The following EXTL3 variants were observed in gnomAD, a reference collection of about 807,000 sequenced individuals.
The protein encoded by EXTL3 is exostosin-like 3.
A neutral mutation model predicts 69.3 loss-of-function variants in EXTL3; 27 were observed. That is an observed-to-expected ratio of 0.39 (90% CI 0.29 to 0.54). The LOEUF is 0.54. EXTL3 is among the 20% of genes least tolerant of loss of function. The pLI, the probability that EXTL3 is intolerant of heterozygous loss-of-function variation, is 0.69. For synonymous variants in EXTL3, 511 were observed against 499.4 expected (o/e 1.02, Z -0.31); for missense variants, 1,003 against 1,231.8 (o/e 0.81, Z 2.78).
intron 1 of EXTL3, among the ~76,000 whole-genome samples, chr8:28,702,934 G>T (rs950123478): frequency 3.9e-5 from 6 of 152,202 alleles, no homozygotes; most frequent in African/African-American, 1.2e-4. Context: ...TGACCTGTGT[G>T]CTGGGATAGT....
At chr8:28,687,907 T>C (rs1260251126) in intron 1 of EXTL3, among the ~76,000 whole-genome samples, 2 of 152,188 alleles carry the variant, frequency 1.3e-5, no homozygotes, top group Admixed American at 6.5e-5. Context: ...AGGAAGTTGC[T>C]GGTTCTTTTT....
At chr8:28,714,293 A>G (rs1801095768) in intron 2 of EXTL3, among the ~76,000 whole-genome samples, 1 of 152,206 alleles carries the variant, frequency 6.6e-6, no homozygotes. Context: ...ATAAAATGTT[A>G]CTTGAAAAAA....
chr8:28,672,943 T>C (rs949366300), intron 1 of EXTL3, among the ~76,000 whole-genome samples: 4 of 152,178 alleles, frequency 2.6e-5, no homozygotes, highest in Admixed American at 1.3e-4. Flanking sequence ...AGAGATCTGA[T>C]GGTTTTATAA....
chr8:28,670,208 CAAA>C (rs369464596), intron 1 of EXTL3, among the ~76,000 whole-genome samples: 8 of 80,414 alleles, frequency 9.9e-5, no homozygotes, highest in Non-Finnish European at 1.8e-4. Context: ...GACTCTGTCT[CAAA>C]AAAAAAAAGG....
At chr8:28,673,501 A>G (rs574836513) in intron 1 of EXTL3, among the ~76,000 whole-genome samples, 6 of 152,062 alleles carry the variant, frequency 3.9e-5, no homozygotes, top group Non-Finnish European at 5.9e-5. Flanking sequence ...CCAGACTGGG[A>G]TTTACACACC....
At chr8:28,728,349 C>G (rs1222094235) in intron 3 of EXTL3, among the ~76,000 whole-genome samples, 2 of 152,228 alleles carry the variant, frequency 1.3e-5, no homozygotes, top group Non-Finnish European at 2.9e-5. Flanking sequence ...CCTTGCTGCT[C>G]TCTCGTCTGA....
Position 28,676,169 on chromosome 8 carries a change from A to T in EXTL3, c.-52-37288A>T, listed in dbSNP as rs151276377. The stretch of plus-strand genomic sequence containing the variant: ...TTAATGTGGAGGAAGGGATTCAAAG[A>T]CTTAAGGGACTGGCAGTTACAGTGC... On this transcript the variant is annotated intron_variant, in intron 1 of 6. Transcript: ENST00000523149. Among the ~76,000 whole-genome samples the T allele has an allele frequency of 1.1e-4, 16 of 152,204 alleles. No individual in the cohort carries two copies. The East Asian group carries it at 3.1e-3, about 29-fold the overall frequency.
rs1419982875 is a variant in EXTL3 at position 28,754,519 on chromosome 8, T to C, written c.*3653T>C. 3 of 152,324 alleles carry C rather than the reference T, an allele frequency of 2.0e-5. No individual in the cohort carries two copies. Among genetic ancestry groups the C allele is most frequent in the African/African-American group, 7.2e-5 (3 of 41,450 alleles). The allele number at this position is 152,324 out of a possible 1,614,324, so 9.4% of individuals were successfully genotyped here. A position where few individuals can be genotyped will look rare whatever the true frequency, so the allele number is the denominator to read the frequency against. On this transcript the variant is annotated 3_prime_UTR_variant, in exon 7 of 7. Coordinates refer to ENST00000220562, the MANE Select transcript of EXTL3 (RefSeq NM_001440.4). ...GGCATTCCTCTTTGGGTCTGGAGTT[T>C]TGGCTGTCAAGCTCCTGTTCTTCCA...
Position 28,651,813 on chromosome 8 carries a change from AC to A in EXTL3, c.-53+29005del, listed in dbSNP as rs534891914. On this transcript the variant is annotated intron_variant, in intron 1 of 6. Coordinates refer to the EXTL3 transcript ENST00000523149. ...CTCTGACAAAACTCTCTTCCCATTA[AC>A]CAAGGTTAATAACTCCCAATTCCTT... Among the ~76,000 whole-genome samples the A allele has an allele frequency of 5.3e-5, 8 of 152,304 alleles. No homozygotes were observed. In the East Asian group the frequency reaches 1.3e-3, roughly 26 times the overall value.
intron 1 of EXTL3, among the ~76,000 whole-genome samples, chr8:28,682,500 T>C (rs1807505910): frequency 1.3e-5 from 2 of 152,162 alleles, no homozygotes; most frequent in South Asian, 4.1e-4. Context: ...TGGAGTGCAA[T>C]TGTGCGATCT....
intron 6 of EXTL3, among the ~76,000 whole-genome samples, chr8:28,748,098 C>T (rs551825694): frequency 2.0e-4 from 30 of 152,208 alleles, no homozygotes; most frequent in Non-Finnish European, 1.6e-4. Context: ...GTAGGCTGGG[C>T]GCTGTGGCTC....
chr8:28,695,293 T>C (rs1800669696), intron 1 of EXTL3, among the ~76,000 whole-genome samples: 1 of 152,034 alleles, frequency 6.6e-6, no homozygotes, highest in Non-Finnish European at 1.5e-5. Context: ...CATGCCCGGC[T>C]AATTTTTGTA....
chr8:28,749,629 T>TC (rs1801962878), intron 6 of EXTL3, among the ~76,000 whole-genome samples: 1 of 75,470 alleles, frequency 1.3e-5, no homozygotes, highest in South Asian at 4.0e-4. Flanking sequence ...AGGATTTCAT[T>TC]CATTCATTCA....
Position 28,737,655 on chromosome 8 carries a change from T to C in EXTL3, c.2413T>C (p.Phe805Leu). ...CATGGTGCTGACAGGTGCTGCCTTCTTTCACAAGGTAAGAAAAAGCTGGTA... is the reference window on the plus strand; with the variant it reads ...CATGGTGCTGACAGGTGCTGCCTTCCTTCACAAGGTAAGAAAAAGCTGGTA... The part of the protein sequence containing the change: ...LSMVLTGAAF[F>L]HKYYAYLYSY... Residue 805 changes from phenylalanine (F) to leucine (L), a missense_variant, in exon 5 of 7, where the codon TTT becomes CTT. By Grantham distance (22) the Phe-to-Leu change is conservative. This residue lies in a region of EXTL3 where 261 missense variants were observed against 416.4 expected (regional missense o/e 0.63). Transcript: ENST00000220562. 1 of 1,614,164 alleles carries C rather than the reference T, an allele frequency of 6.2e-7. No homozygotes were observed. Among genetic ancestry groups the C allele is most frequent in the Admixed American group, 1.7e-5 (1 of 60,022 alleles).
intron 1 of EXTL3, among the ~76,000 whole-genome samples, chr8:28,676,400 A>C (rs1406639948): frequency 6.6e-6 from 1 of 152,188 alleles, no homozygotes; most frequent in Non-Finnish European, 1.5e-5. Context: ...GCTGGATCCC[A>C]GGGTGGCAGG....
rs1801728553 is a variant in EXTL3 at position 28,739,401 on chromosome 8, A to AT, written c.2421+1742dup. Among the ~76,000 whole-genome samples, 3 of 152,004 alleles carry AT rather than the reference A, an allele frequency of 2.0e-5. No homozygotes were observed. In the South Asian group the frequency reaches 6.2e-4, roughly 32 times the overall value. Reference sequence around the variant, plus strand: ...GAGTGTAATGGTGGGGTCTCAGCTCATTTTAGCCTCCACCTCTTGGGCCCA... The same window carrying AT: ...GAGTGTAATGGTGGGGTCTCAGCTCATTTTTAGCCTCCACCTCTTGGGCCCA... On this transcript the variant is annotated intron_variant, in intron 5 of 6. Coordinates refer to ENST00000220562, the MANE Select transcript of EXTL3 (RefSeq NM_001440.4).
At chr8:28,628,615 T>C (rs1806529462) in intron 1 of EXTL3, among the ~76,000 whole-genome samples, 2 of 152,208 alleles carry the variant, frequency 1.3e-5, no homozygotes, top group South Asian at 4.1e-4. Flanking sequence ...TGTCACGTTA[T>C]GATCAGATTC....
chr8:28,645,708 T>C (rs1806817965), intron 1 of EXTL3, among the ~76,000 whole-genome samples: 1 of 152,328 alleles, frequency 6.6e-6, no homozygotes, highest in South Asian at 2.1e-4. Context: ...TTTTTCTTTT[T>C]TTAAGAGATG....
rs535027925 is a variant in EXTL3, at chr8:28,623,883, T to G, written c.-53+1073T>G. Among the ~76,000 whole-genome samples the G allele has an allele frequency of 2.1e-4, 32 of 152,344 alleles. No homozygotes were observed. The highest frequency in any genetic ancestry group is 3.4e-3 in the Middle Eastern group (1 of 294). On this transcript the variant is annotated intron_variant, in intron 1 of 6. Transcript: ENST00000523149. This position sits in a 1 kb window ranked among gnomAD's most constrained non-coding sequence, Gnocchi z 4.2. ...CAGCAGATGGGAAATCAGGCAAGCT[T>G]GGTTTTAAAACGTTTCTGCCTCTGA...
Sources: allele counts gnomAD v4.1 joint callset (sites outside exome capture counted in the v4.1 genomes callset), GRCh38; gene constraint gnomAD v4.1.1; regional missense constraint gnomAD v4.1.1; non-coding constraint Gnocchi (gnomAD v3.1); transcripts MANE v1.5; gene names NCBI Gene and HGNC (gene_info 2026-07-23, HGNC 2026-07-21).